Variants in MARK1 observed in about 807,000 individuals in gnomAD.
The protein encoded by MARK1 is serine/threonine-protein kinase MARK1.
MARK1 carries 40 observed loss-of-function variants against 96.3 expected under a neutral mutation model. The observed-to-expected ratio is 0.42, with a 90% confidence interval of 0.32 to 0.54. The LOEUF is 0.54. Among genes scored for constraint, MARK1 ranks in the 20% least tolerant of loss-of-function variants. The probability of loss-of-function intolerance (pLI) is 0.16; values close to 1 mark genes in which losing one functional copy is unlikely to be tolerated. For synonymous variants in MARK1, 317 were observed against 341.2 expected (o/e 0.93, Z 0.78); for missense variants, 719 against 984.6 (o/e 0.73, Z 3.61).
At chr1:220,529,149 A>G (rs185689958) in intron 1 of MARK1, among the ~76,000 whole-genome samples, 1 of 152,336 alleles carries the variant, frequency 6.6e-6, no homozygotes, top group East Asian at 1.9e-4. Context: ...GATGGAGGGC[A>G]GAGAAGCAGA....
intron 13 of MARK1, among the ~76,000 whole-genome samples, chr1:220,644,039 A>G (rs528491454): frequency 9.8e-5 from 15 of 152,346 alleles, no homozygotes; most frequent in Admixed American, 5.9e-4. Flanking sequence ...ACCCAGCATT[A>G]TGATGACAGG....
At chr1:220,535,283 T>C (rs982087732) in intron 1 of MARK1, among the ~76,000 whole-genome samples, 4 of 152,120 alleles carry the variant, frequency 2.6e-5, no homozygotes, top group Non-Finnish European at 5.9e-5. Flanking sequence ...AGTTGTAAAG[T>C]AAATATCTTA....
chr1:220,577,794 C>T (rs56065556), intron 1 of MARK1, among the ~76,000 whole-genome samples: 1,719 of 152,176 alleles, frequency 0.011, 26 homozygotes, highest in African/African-American at 0.039. Context: ...GGGAGACAGA[C>T]GAGTAAATGT....
chr1:220,556,902 A>G (rs550252656), intron 1 of MARK1, among the ~76,000 whole-genome samples: 10 of 152,188 alleles, frequency 6.6e-5, no homozygotes, highest in Non-Finnish European at 1.2e-4. Context: ...ACTGGTTAAT[A>G]AATATGGAAT....
chr1:220,533,839 A>T (rs989620598), intron 1 of MARK1, among the ~76,000 whole-genome samples: 36 of 152,076 alleles, frequency 2.4e-4, no homozygotes, highest in African/African-American at 8.7e-4. Context: ...CTCTGGTTAG[A>T]TGTGCGAAAA....
chr1:220,589,670 C>G (rs1392166930), intron 3 of MARK1, among the ~76,000 whole-genome samples: 2 of 152,162 alleles, frequency 1.3e-5, no homozygotes, highest in Non-Finnish European at 2.9e-5. Flanking sequence ...AAACTCTGGC[C>G]TTAATTTCCA....
chr1:220,572,428 A>G (rs778804783), intron 1 of MARK1, among the ~76,000 whole-genome samples: 1 of 152,064 alleles, frequency 6.6e-6, no homozygotes, highest in Non-Finnish European at 1.5e-5. Flanking sequence ...TTTTTAGTAG[A>G]GACGGGGTTT....
chr1:220,603,825 G>C (rs1665901842), intron 5 of MARK1, among the ~76,000 whole-genome samples: 1 of 151,980 alleles, frequency 6.6e-6, no homozygotes, highest in Non-Finnish European at 1.5e-5. Context: ...AGTTTTCTTG[G>C]TTGTGTTTTT....
At chr1:220,579,862 CAGCCCTCAGGAACAAAA>C (rs2102838353) in intron 2 of MARK1, among the ~76,000 whole-genome samples, 1 of 152,268 alleles carries the variant, frequency 6.6e-6, no homozygotes, top group Non-Finnish European at 1.5e-5. Context: ...CATTGCTGCC[CAGCCCTCAGGAACAAAA>C]GTTCTTGCTG....
chr1:220,536,498 T>C (rs374405719), intron 1 of MARK1, among the ~76,000 whole-genome samples: 52 of 152,224 alleles, frequency 3.4e-4, no homozygotes, highest in African/African-American at 1.2e-3. Flanking sequence ...TTTCTAACCT[T>C]ATCATTTGCA....
chr1:220,657,678 G>C, intron 16 of MARK1, 112 bp from the exon 17 acceptor site: 2 of 673,790 alleles, frequency 3.0e-6, no homozygotes, highest in South Asian at 4.7e-5. Flanking sequence ...ATAGAAAACT[G>C]TCATGGTAGA....
chr1:220,661,511 A>G (rs1034623365), intron 17 of MARK1, among the ~76,000 whole-genome samples: 4 of 152,198 alleles, frequency 2.6e-5, no homozygotes, highest in African/African-American at 9.6e-5. Context: ...AGAAATATGG[A>G]ACTGAAGAAG....
intron 17 of MARK1, among the ~76,000 whole-genome samples, chr1:220,660,825 G>A (rs1450907563): frequency 6.6e-6 from 1 of 152,122 alleles, no homozygotes; most frequent in African/African-American, 2.4e-5. Context: ...CTAGATGCCC[G>A]AGATATATCA....
At chr1:220,639,785 T>C (rs1668169785) in intron 13 of MARK1, among the ~76,000 whole-genome samples, 1 of 152,230 alleles carries the variant, frequency 6.6e-6, no homozygotes, top group African/African-American at 2.4e-5. Flanking sequence ...CATTTAAATT[T>C]TTAATAAATG....
rs531592983 is a variant in MARK1, at chr1:220,630,889, C to G, written c.910-146C>G. The G allele has an allele frequency of 1.0e-3, 629 of 602,382 alleles. 5 individuals carry two copies. The African/African-American group carries it at 0.011, about 10-fold the overall frequency. 37.3% of individuals were successfully genotyped at this position (602,382 alleles called of 1,614,324 possible). ...TTGTTGTGTGTGTCCCAAAGTCTTA[C>G]ACCTCTTTTTGGCCCACTAATCAAA... is the stretch of plus-strand genomic sequence containing the variant. On this transcript the variant is annotated intron_variant, in intron 9 of 17. Coordinates refer to ENST00000366917, the MANE Select transcript of MARK1 (RefSeq NM_018650.5).
rs1454256102 is a variant in MARK1 at position 220,557,258 on chromosome 1, T to C, written c.52-22096T>C. Among the ~76,000 whole-genome samples the C allele has an allele frequency of 2.0e-5, 3 of 152,240 alleles. No individual in the cohort carries two copies. The East Asian group carries it at 5.8e-4, about 29-fold the overall frequency. ...AAATATCAGTCTCATGTTATCTTCT[T>C]AACTAAATGATCCTTCAAGAATAAG... On this transcript the variant is annotated intron_variant, in intron 1 of 17. Transcript: ENST00000366917.
At chr1:220,661,358 A>G (rs1053830085) in intron 17 of MARK1, among the ~76,000 whole-genome samples, 2 of 152,350 alleles carry the variant, frequency 1.3e-5, no homozygotes, top group East Asian at 3.9e-4. Flanking sequence ...CAACCTTACC[A>G]GGTAAACGAA....
At chr1:220,554,113 A>G (rs776618185) in intron 1 of MARK1, among the ~76,000 whole-genome samples, 25 of 152,328 alleles carry the variant, frequency 1.6e-4, no homozygotes, top group Admixed American at 5.9e-4. Context: ...GTCCCAGACC[A>G]CTAGACTCCT....
chr1:220,627,096 C>T lies in MARK1; in HGVS notation c.910-3939C>T, dbSNP rs1001584868. 18 of 518,110 alleles carry T rather than the reference C, an allele frequency of 3.5e-5. No individual in the cohort carries two copies. The East Asian group carries it at 4.1e-4, about 12-fold the overall frequency. 32.1% of individuals were successfully genotyped at this position (518,110 alleles called of 1,614,324 possible). ...AATGGTACTTGGAGAAGATAAACAGCGACTGTTTGAGAACCTGAGAATGCT... is the reference window on the plus strand; with the variant it reads ...AATGGTACTTGGAGAAGATAAACAGTGACTGTTTGAGAACCTGAGAATGCT... On this transcript the variant is annotated intron_variant, in intron 9 of 17. Transcript: ENST00000366917.
Sources: gnomAD v4.1 joint callset for allele counts (sites outside exome capture counted in the v4.1 genomes callset) on GRCh38, gnomAD v4.1.1 for gene constraint, MANE v1.5 for transcripts, NCBI Gene and HGNC (gene_info 2026-07-23, HGNC 2026-07-21) for gene names.